The following FAM193A variants were observed in gnomAD, a reference collection of about 807,000 sequenced individuals.
FAM193A encodes family with sequence similarity 193 member A.
Under a neutral mutation model 126.5 loss-of-function variants are expected in FAM193A, and 22 were observed. That is an observed-to-expected ratio of 0.17 (90% CI 0.12 to 0.25). FAM193A has a LOEUF of 0.25. FAM193A is among the 10% of genes least tolerant of loss of function. The pLI, the probability that FAM193A is intolerant of heterozygous loss-of-function variation, is 1.00. For synonymous variants in FAM193A, 761 were observed against 646.8 expected (o/e 1.18, Z -2.68); for missense variants, 1,675 against 1,672.8 (o/e 1.00, Z -0.02).
intron 1 of FAM193A, among the ~76,000 whole-genome samples, chr4:2,552,156 T>C (rs1039694520): frequency 3.5e-4 from 52 of 150,028 alleles, no homozygotes; most frequent in African/African-American, 1.1e-3. Flanking sequence ...GGACTACAGG[T>C]GCCCACCACC....
chr4:2,698,145 A>C (rs749601231), intron 18 of FAM193A, among the ~76,000 whole-genome samples: 2 of 152,222 alleles, frequency 1.3e-5, no homozygotes, highest in Admixed American at 6.5e-5. Context: ...TGGTTGTTGA[A>C]GGGACAGCAA....
At chr4:2,549,948 C>T (rs1012644792) in intron 1 of FAM193A, among the ~76,000 whole-genome samples, 4 of 150,952 alleles carry the variant, frequency 2.6e-5, no homozygotes, top group East Asian at 1.9e-4. Flanking sequence ...AGGCTGATCT[C>T]GAACTCCTGA....
Position 2,596,291 on chromosome 4 carries a change from G to A in FAM193A, c.463G>A (p.Glu155Lys). 1.4e-6 allele frequency: 1 copy of A among 702,940 alleles called. No homozygotes were observed. The highest frequency in any genetic ancestry group is 2.6e-6 in the Non-Finnish European group (1 of 384,998). 43.5% of individuals were successfully genotyped at this position (702,940 alleles called of 1,614,324 possible). ...GTGCCCGGACTGCCGCAGGACCGTGGAGAAGGAGGAGAGGCATGGCGGCCT... is the reference window on the plus strand; with the variant it reads ...GTGCCCGGACTGCCGCAGGACCGTGAAGAAGGAGGAGAGGCATGGCGGCCT... ...WVCPDCRRTV[E>K]KEERHGGLDQ... Residue 155 changes from glutamate (E) to lysine (K), a missense_variant, in exon 2 of 21, where the codon GAG becomes AAG. Coordinates refer to ENST00000637812, the MANE Select transcript of FAM193A (RefSeq NM_001366318.2).
At position 2,652,503 on chromosome 4, in the gene FAM193A, T is replaced by TA. The variant is rs543937462; in HGVS notation, c.1312-5299dup. On this transcript the variant is annotated intron_variant, in intron 7 of 20. Transcript: ENST00000637812. ...CATGGCTGGGAGGCCTCGGGAAACT[T>TA]ACAATCATGGTGGAAGGTGAAGGGG... is the stretch of plus-strand genomic sequence containing the variant. Among the ~76,000 whole-genome samples the TA allele has an allele frequency of 9.2e-5, 14 of 152,278 alleles. No individual in the cohort carries two copies. The East Asian group carries it at 2.7e-3, about 29-fold the overall frequency.
intron 2 of FAM193A, among the ~76,000 whole-genome samples, chr4:2,614,793 G>T (rs1298835098): frequency 6.6e-6 from 1 of 152,114 alleles, no homozygotes; most frequent in Non-Finnish European, 1.5e-5. Flanking sequence ...TTTGATGGAG[G>T]TTATCTGTTT....
At chr4:2,651,340 C>G (rs937345694) in intron 7 of FAM193A, among the ~76,000 whole-genome samples, 1 of 151,628 alleles carries the variant, frequency 6.6e-6, no homozygotes, top group Non-Finnish European at 1.5e-5. Flanking sequence ...CAAAAAAAAA[C>G]CAATAAAACA....
intron 2 of FAM193A, among the ~76,000 whole-genome samples, chr4:2,622,762 G>T (rs1462124464): frequency 2.0e-5 from 3 of 152,016 alleles, no homozygotes; most frequent in Admixed American, 6.6e-5. Context: ...AGCTCTCTGG[G>T]GCCTTCTTTA....
At chr4:2,589,192 A>G (rs1220042470) in intron 1 of FAM193A, among the ~76,000 whole-genome samples, 1 of 152,256 alleles carries the variant, frequency 6.6e-6, no homozygotes, top group African/African-American at 2.4e-5. Context: ...GAAAAACCAC[A>G]TTAGTAACAT....
At chr4:2,616,227 A>G (rs1277517034) in intron 2 of FAM193A, among the ~76,000 whole-genome samples, 2 of 152,228 alleles carry the variant, frequency 1.3e-5, no homozygotes, top group Non-Finnish European at 2.9e-5. Context: ...CACCACCATC[A>G]TCATCAGCAT....
At chr4:2,695,180 G>C in intron 17 of FAM193A, 51 bp downstream of exon 17, 1 of 1,464,302 alleles carries the variant, frequency 6.8e-7, no homozygotes, top group Non-Finnish European at 9.1e-7. Context: ...GCAACACACG[G>C]GCTCCTTTGC....
At position 2,536,688 on chromosome 4, in the gene FAM193A, G is replaced by A. The variant is rs1446552561; in HGVS notation, c.-228G>A. The A allele has an allele frequency of 7.0e-6, 1 of 143,494 alleles. No homozygotes were observed. Among genetic ancestry groups the A allele is most frequent in the African/African-American group, 2.6e-5 (1 of 38,632 alleles). The allele number at this position is 143,494 out of a possible 1,614,324, so 8.9% of individuals were successfully genotyped here. On this transcript the variant is annotated 5_prime_UTR_variant, in exon 1 of 21. Coordinates refer to ENST00000637812, the MANE Select transcript of FAM193A (RefSeq NM_001366318.2). ...GTCCGCCATATTGGACTCTAACTCT[G>A]GTCAGCCGCGGCGCCGGGACTGTGG...
At chr4:2,582,445 TTTCC>T (rs1464481282) in intron 1 of FAM193A, among the ~76,000 whole-genome samples, 6 of 152,156 alleles carry the variant, frequency 3.9e-5, no homozygotes, top group African/African-American at 1.4e-4. Context: ...TCAGTGTTTA[TTTCC>T]TTCCTTCCTT....
chr4:2,700,344 G>T lies in FAM193A; in HGVS notation c.4172G>T (p.Arg1391Ile). ...MSITEQKREERKVNSNNNNKK... is the reference protein window; with the variant it reads ...MSITEQKREEIKVNSNNNNKK... ...ATCACAGAGCAGAAAAGAGAGGAGA[G>T]AAAAGTCAACAGTAATAACAATAAC... The change falls in exon 19 of 21, where the codon AGA becomes ATA. Residue 1391 changes from arginine to isoleucine, a missense_variant. By Grantham distance (97) the Arg-to-Ile change is moderately conservative (BLOSUM62 -3). This residue lies in a region of FAM193A where 415 missense variants were observed against 396.7 expected (regional missense o/e 1.05). Transcript: ENST00000637812. The T allele has an allele frequency of 6.2e-7, 1 of 1,614,020 alleles. No individual in the cohort carries two copies. The highest frequency in any genetic ancestry group is 2.2e-5 in the East Asian group (1 of 44,846).
chr4:2,568,831 A>T (rs1332026342), intron 1 of FAM193A, among the ~76,000 whole-genome samples: 4 of 152,216 alleles, frequency 2.6e-5, no homozygotes, highest in Admixed American at 2.0e-4. Context: ...TCTAGATTAT[A>T]GAAGGATTCT....
At chr4:2,540,858 C>A (rs942199691) in intron 1 of FAM193A, among the ~76,000 whole-genome samples, 3 of 150,554 alleles carry the variant, frequency 2.0e-5, no homozygotes, top group Non-Finnish European at 3.0e-5. Context: ...CTACTCCGGA[C>A]GCTGAGGCTG....
chr4:2,633,323 C>T (rs747617281), intron 5 of FAM193A, among the ~76,000 whole-genome samples: 4 of 151,520 alleles, frequency 2.6e-5, no homozygotes, highest in South Asian at 2.1e-4. Flanking sequence ...CACTTGAACC[C>T]GGGAGGCAGA....
intron 1 of FAM193A, among the ~76,000 whole-genome samples, chr4:2,568,840 C>G (rs1739119388): frequency 6.6e-6 from 1 of 152,142 alleles, no homozygotes; most frequent in African/African-American, 2.4e-5. Context: ...TAGAAGGATT[C>G]TGTTAAGATT....
intron 12 of FAM193A, among the ~76,000 whole-genome samples, chr4:2,670,369 C>T (rs1035710435): frequency 6.6e-6 from 1 of 152,096 alleles, no homozygotes; most frequent in South Asian, 2.1e-4. Context: ...CATGTTATAA[C>T]AGCTGCTTTG....
At position 2,731,969 on chromosome 4, in the gene FAM193A, A is replaced by G. The variant is rs1721449121; in HGVS notation, c.*101A>G. On this transcript the variant is annotated 3_prime_UTR_variant, in exon 21 of 21. Coordinates refer to ENST00000637812, the MANE Select transcript of FAM193A (RefSeq NM_001366318.2). The stretch of plus-strand genomic sequence containing the variant: ...CGCCCCAGAGCCGTGGTGCTTGCCA[A>G]GGGCTGTGCGGAGCTGGTGCTGCCT... 4 of 927,120 alleles carry G rather than the reference A, an allele frequency of 4.3e-6. No homozygotes were observed. The highest frequency in any genetic ancestry group is 2.4e-5 in the East Asian group (1 of 41,806). The allele number at this position is 927,120 out of a possible 1,614,324, so 57.4% of individuals were successfully genotyped here. A position where few individuals can be genotyped will look rare whatever the true frequency, so the allele number is the denominator to read the frequency against.
Sources: allele counts gnomAD v4.1 joint callset (sites outside exome capture counted in the v4.1 genomes callset), GRCh38; gene constraint gnomAD v4.1.1; regional missense constraint gnomAD v4.1.1; transcripts MANE v1.5; gene names NCBI Gene and HGNC (gene_info 2026-07-23, HGNC 2026-07-21).